Variants in VPS33B observed in about 807,000 individuals in gnomAD.
The protein encoded by VPS33B is vacuolar protein sorting-associated protein 33B.
A neutral mutation model predicts 95.3 loss-of-function variants in VPS33B; 80 were observed. The observed-to-expected ratio is 0.84, with a 90% CI of 0.70 to 1.01. The LOEUF (loss-of-function observed/expected upper bound fraction) is 1.01. Among genes scored for constraint, VPS33B ranks in the 50% least tolerant of loss-of-function variants. The pLI is 0.00. For missense variants in VPS33B, 715 were observed against 773.4 expected, an observed-to-expected ratio of 0.92 and a Z score of 0.90; for synonymous variants, 280 against 280.4, an observed-to-expected ratio of 1.00 and a Z score of 0.01.
intron 6 of VPS33B, 58 bp from the exon 7 acceptor site, chr15:91,008,022 G>A (rs1375409487): frequency 1.0e-5 from 16 of 1,526,344 alleles, no homozygotes; most frequent in Admixed American, 1.7e-5. Context: ...CACGTTAAGA[G>A]GGAAGGTCCG....
At chr15:91,017,550 G>A (rs979339181) in intron 2 of VPS33B, among the ~76,000 whole-genome samples, 4 of 151,496 alleles carry the variant, frequency 2.6e-5, no homozygotes, top group African/African-American at 9.7e-5. Context: ...CTGAGTCCAG[G>A]AGGTCAAGGC....
chr15:90,998,774 A>C lies in VPS33B; in HGVS notation c.*201T>G. 4 of 675,558 alleles carry C rather than the reference A, an allele frequency of 5.9e-6. No individual in the cohort carries two copies. The South Asian group carries it at 6.7e-5, about 11-fold the overall frequency. 41.8% of individuals were successfully genotyped at this position (675,558 alleles called of 1,614,324 possible). A position where few individuals can be genotyped will look rare whatever the true frequency, so the allele number is the denominator to read the frequency against. On this transcript the variant is annotated 3_prime_UTR_variant, in exon 23 of 23. Transcript: ENST00000333371. This position sits in a 1 kb window ranked among gnomAD's most constrained non-coding sequence, Gnocchi z 4.8. ...ATCTTAGCAGCATGGGTTGTACTTCATAAACAGAAAAGAGAAATATCCTGG... is the reference window on the plus strand; with the variant it reads ...ATCTTAGCAGCATGGGTTGTACTTCCTAAACAGAAAAGAGAAATATCCTGG...
At position 91,007,150 on chromosome 15, in the gene VPS33B, A is replaced by G. The variant is rs543847539; in HGVS notation, c.604-104T>C. ...CACGTGATACTTCCTCTTGTCCCCG[A>G]GACAGGAGCTAATTATTCACAATAT... is the stretch of plus-strand genomic sequence containing the variant. On this transcript the variant is annotated intron_variant, in intron 8 of 22. Coordinates refer to ENST00000333371, the MANE Select transcript of VPS33B (RefSeq NM_018668.5). The surrounding 1 kb of genome is among the most constrained non-coding windows in gnomAD (Gnocchi z 5.3). 7.7e-5 allele frequency: 96 copies of G among 1,243,562 alleles called. No individual in the cohort carries two copies. In the African/African-American group the frequency reaches 1.1e-3, roughly 14 times the overall value. The allele number at this position is 1,243,562 out of a possible 1,614,324, so 77.0% of individuals were successfully genotyped here. A position where few individuals can be genotyped will look rare whatever the true frequency, so the allele number is the denominator to read the frequency against.
In VPS33B at chr15:91,002,113, G is replaced by A. The variant is rs2040455953; in HGVS notation, c.1342C>T (p.Pro448Ser). 1.2e-6 allele frequency: 2 copies of A among 1,614,164 alleles called. No homozygotes were observed. The highest frequency in any genetic ancestry group is 2.2e-5 in the South Asian group (2 of 91,080). The change falls in exon 18 of 23, where the codon CCC becomes TCC. Residue 448 changes from proline (P) to serine (S), a missense_variant. Coordinates refer to ENST00000333371, the MANE Select transcript of VPS33B (RefSeq NM_018668.5). This position sits in a 1 kb window ranked among gnomAD's most constrained non-coding sequence, Gnocchi z 4.7. ...TCCACGGCTGTGAGGGTGTCCCCGG[G>A]GGCCTGCTCCGTTAGGAGCCCAGCT... ...RRAGLLTEQAPGDTLTAVESK... is the reference protein window; with the variant it reads ...RRAGLLTEQASGDTLTAVESK...
At chr15:91,004,222 TAAA>T (rs57109473) in intron 16 of VPS33B, among the ~76,000 whole-genome samples, 1 of 113,982 alleles carries the variant, frequency 8.8e-6, no homozygotes, top group Non-Finnish European at 1.7e-5. Context: ...GACTCTGTCT[TAAA>T]AAAAAAAAAA....
Position 91,022,500 on chromosome 15 carries a change from A to T in VPS33B, c.-251T>A. The T allele has an allele frequency of 2.6e-6, 1 of 377,836 alleles. No homozygotes were observed. The highest frequency in any genetic ancestry group is 4.8e-6 in the Non-Finnish European group (1 of 209,202). The allele number at this position is 377,836 out of a possible 1,614,324, so 23.4% of individuals were successfully genotyped here. On this transcript the variant is annotated 5_prime_UTR_variant, in exon 1 of 23. Coordinates refer to ENST00000333371, the MANE Select transcript of VPS33B (RefSeq NM_018668.5). ...TGTCTCGACCCTCCCTCCCTGATCC[A>T]CTCTGCCCGTCAGCAGGATTCCGGT...
intron 1 of VPS33B, among the ~76,000 whole-genome samples, chr15:91,020,109 A>AT (rs140271812): frequency 0.017 from 2,609 of 152,026 alleles, 78 homozygotes; most frequent in African/African-American, 0.058. Flanking sequence ...CCAGCCTAAT[A>AT]TTTTTTTTAA....
In VPS33B at chr15:91,002,952, C is replaced by CT; in HGVS notation, c.1272+132dup. On this transcript the variant is annotated intron_variant, in intron 17 of 22. Transcript: ENST00000333371. This position sits in a 1 kb window ranked among gnomAD's most constrained non-coding sequence, Gnocchi z 4.7. ...TGAAAGGTGACTCTCCCTAGTAGCT[C>CT]TAAGAGGGAGGCCTGAATGGAAACA... The CT allele has an allele frequency of 1.0e-6, 1 of 993,366 alleles. No homozygotes were observed. The highest frequency in any genetic ancestry group is 2.4e-5 in the East Asian group (1 of 41,996). 61.5% of individuals were successfully genotyped at this position (993,366 alleles called of 1,614,324 possible). A position where few individuals can be genotyped will look rare whatever the true frequency, so the allele number is the denominator to read the frequency against.
At chr15:91,019,635 G>A (rs2041046426) in intron 1 of VPS33B, among the ~76,000 whole-genome samples, 1 of 152,100 alleles carries the variant, frequency 6.6e-6, no homozygotes, top group Non-Finnish European at 1.5e-5. Context: ...ATTCCAATCA[G>A]CTGGAAATGT....
At position 91,005,310 on chromosome 15, in the gene VPS33B, G is replaced by T; in HGVS notation, c.1105+70C>A. The T allele has an allele frequency of 1.2e-6, 2 of 1,613,862 alleles. No individual in the cohort carries two copies. The highest frequency in any genetic ancestry group is 1.1e-5 in the South Asian group (1 of 91,038). ...GAAAGAGCCAGAGAACATCTTTTAA[G>T]GGTGGGACGGGGCTGGGAGCTGGGG... On this transcript the variant is annotated intron_variant, in intron 14 of 22. Transcript: ENST00000333371. The surrounding 1 kb of genome is among the most constrained non-coding windows in gnomAD (Gnocchi z 6.4).
Position 91,006,254 on chromosome 15 carries a change from C to T in VPS33B, c.852+118G>A, listed in dbSNP as rs1454729655. On this transcript the variant is annotated intron_variant, in intron 11 of 22. Transcript: ENST00000333371. This position sits in a 1 kb window ranked among gnomAD's most constrained non-coding sequence, Gnocchi z 5.4. ...GAACTGGTGGGGAAACCCTCTCTCC[C>T]ATAGACTCAGCCTCCCCTCTCAGAG... 11 of 1,490,456 alleles carry T rather than the reference C, an allele frequency of 7.4e-6. No individual in the cohort carries two copies. The highest frequency in any genetic ancestry group is 8.4e-6 in the Non-Finnish European group (9 of 1,069,864). 92.3% of individuals were successfully genotyped at this position (1,490,456 alleles called of 1,614,324 possible).
In VPS33B at chr15:91,017,365, T is replaced by TAA. The variant is rs1272281030; in HGVS notation, c.178-343_178-342dup. On this transcript the variant is annotated intron_variant, in intron 2 of 22. Coordinates refer to ENST00000333371, the MANE Select transcript of VPS33B (RefSeq NM_018668.5). ...TAACAAGACTCCATCTCTACAAAAT[T>TAA]AAATATATATATATATATATATATA... Among the ~76,000 whole-genome samples the TAA allele has an allele frequency of 8.1e-3, 137 of 17,000 alleles. 26 individuals carry two copies. Among genetic ancestry groups the TAA allele is most frequent in the African/African-American group, 0.05 (116 of 2,314 alleles). The allele number at this position is 17,000 out of a possible 152,430, so 11.2% of individuals were successfully genotyped here.
Position 91,003,473 on chromosome 15 carries a change from T to C in VPS33B, c.1226-342A>G, listed in dbSNP as rs1172654814. 2.0e-5 allele frequency among the ~76,000 whole-genome samples: 3 copies of C among 152,144 alleles called. No individual in the cohort carries two copies. In the East Asian group the frequency reaches 5.8e-4, roughly 29 times the overall value. ...TATTTATTTAGAGATGGAGTCTTGCTCTGTCACTCAGGCTGGAGTGCAGTG... is the reference window on the plus strand; with the variant it reads ...TATTTATTTAGAGATGGAGTCTTGCCCTGTCACTCAGGCTGGAGTGCAGTG... On this transcript the variant is annotated intron_variant, in intron 16 of 22. Coordinates refer to ENST00000333371, the MANE Select transcript of VPS33B (RefSeq NM_018668.5).
intron 3 of VPS33B, 38 bp downstream of exon 3, chr15:91,016,925 C>G (rs2040944573): frequency 6.2e-7 from 1 of 1,610,232 alleles, no homozygotes; most frequent in Non-Finnish European, 8.5e-7. Flanking sequence ...GGGACCTCTT[C>G]CAGCTTGGAG....
rs2040736796 is a variant in VPS33B, at chr15:91,009,970, C to A, written c.358-124G>T. On this transcript the variant is annotated intron_variant, in intron 5 of 22. Coordinates refer to ENST00000333371, the MANE Select transcript of VPS33B (RefSeq NM_018668.5). The surrounding 1 kb of genome is among the most constrained non-coding windows in gnomAD (Gnocchi z 4.1). ...CGAACCCAGTGAAAGACAAGAGAAC[C>A]CAGACTCTTAAGATCTAGAAAGAAC... The A allele has an allele frequency of 1.9e-6, 2 of 1,048,774 alleles. No homozygotes were observed. The highest frequency in any genetic ancestry group is 2.9e-6 in the Non-Finnish European group (2 of 681,598). The allele number at this position is 1,048,774 out of a possible 1,614,324, so 65.0% of individuals were successfully genotyped here.
Position 91,006,224 on chromosome 15 carries a change from G to A in VPS33B, c.852+148C>T, listed in dbSNP as rs901170757. 5.7e-5 allele frequency: 77 copies of A among 1,344,740 alleles called. No homozygotes were observed. Among genetic ancestry groups the A allele is most frequent in the Non-Finnish European group, 7.7e-5 (73 of 941,986 alleles). The allele number at this position is 1,344,740 out of a possible 1,614,324, so 83.3% of individuals were successfully genotyped here. ...ATGCCTACACCGTGTTCTAGGAGATGCTCTGAACTGGTGGGGAAACCCTCT... is the reference window on the plus strand; with the variant it reads ...ATGCCTACACCGTGTTCTAGGAGATACTCTGAACTGGTGGGGAAACCCTCT... On this transcript the variant is annotated intron_variant, in intron 11 of 22. Coordinates refer to ENST00000333371, the MANE Select transcript of VPS33B (RefSeq NM_018668.5). The surrounding 1 kb of genome is among the most constrained non-coding windows in gnomAD (Gnocchi z 5.4).
intron 6 of VPS33B, among the ~76,000 whole-genome samples, chr15:91,008,317 T>C (rs1338711221): frequency 1.3e-5 from 2 of 152,190 alleles, no homozygotes; most frequent in African/African-American, 4.8e-5. Flanking sequence ...CAGGCTGGAG[T>C]GCAATGGTGC....
chr15:91,017,801 G>A lies in VPS33B; in HGVS notation c.177+4C>T. The stretch of plus-strand genomic sequence containing the variant: ...GCATGGCCCCCAGGGGAAAGGGACA[G>A]TACCTTCAGGATGGAGACATTGGCA... On this transcript the variant is annotated splice_donor_region_variant and intron_variant, in intron 2 of 22. Transcript: ENST00000333371. The A allele has an allele frequency of 3.1e-6, 5 of 1,614,026 alleles. No homozygotes were observed. The highest frequency in any genetic ancestry group is 1.1e-5 in the South Asian group (1 of 91,084).
chr15:91,006,163 A>G lies in VPS33B; in HGVS notation c.853-104T>C, dbSNP rs2151670297. The G allele has an allele frequency of 7.1e-7, 1 of 1,407,574 alleles. No homozygotes were observed. Among genetic ancestry groups the G allele is most frequent in the Non-Finnish European group, 9.9e-7 (1 of 1,005,326 alleles). The allele number at this position is 1,407,574 out of a possible 1,614,324, so 87.2% of individuals were successfully genotyped here. On this transcript the variant is annotated intron_variant, in intron 11 of 22. Coordinates refer to ENST00000333371, the MANE Select transcript of VPS33B (RefSeq NM_018668.5). The surrounding 1 kb of genome is among the most constrained non-coding windows in gnomAD (Gnocchi z 5.4). The stretch of plus-strand genomic sequence containing the variant: ...ACTCAGGTGTTCTGGCAGAAATACA[A>G]AGAAAGCTGAGCTGGGATCTGTAAG...
Sources: gnomAD v4.1 joint callset for allele counts (sites outside exome capture counted in the v4.1 genomes callset) on GRCh38, gnomAD v4.1.1 for gene constraint, Gnocchi (gnomAD v3.1) non-coding constraint, MANE v1.5 for transcripts, NCBI Gene and HGNC (gene_info 2026-07-23, HGNC 2026-07-21) for gene names.